LUZP2: variants seen among roughly 807,000 people sequenced by gnomAD.
LUZP2 encodes the protein leucine zipper protein 2.
LUZP2 carries 52 observed loss-of-function variants against 51.6 expected under a neutral mutation model. That is an observed-to-expected ratio of 1.01 (90% confidence interval 0.81 to 1.27). LUZP2 has a LOEUF of 1.27. Among genes scored for constraint, LUZP2 ranks in the 50% most tolerant of loss-of-function variants. The pLI is 0.00. For missense variants in LUZP2, 436 were observed against 395.4 expected (o/e 1.10, Z -0.87); for synonymous variants, 154 against 137.3 (o/e 1.12, Z -0.85).
At chr11:24,847,498 A>G (rs575558503) in intron 5 of LUZP2, among the ~76,000 whole-genome samples, 21 of 152,316 alleles carry the variant, frequency 1.4e-4, no homozygotes, top group African/African-American at 4.6e-4. Flanking sequence ...AGAAAAACAC[A>G]GAAATAATGC....
chr11:24,878,651 T>G (rs1324282026), intron 5 of LUZP2, among the ~76,000 whole-genome samples: 3 of 151,940 alleles, frequency 2.0e-5, no homozygotes, highest in Non-Finnish European at 4.4e-5. Context: ...TATTTTTAAT[T>G]TTTATTTTAG....
intron 1 of LUZP2, among the ~76,000 whole-genome samples, chr11:24,514,301 A>G (rs1850398403): frequency 6.6e-6 from 1 of 152,222 alleles, no homozygotes; most frequent in African/African-American, 2.4e-5. Context: ...GGTGATGATC[A>G]GTCTTTGGTT....
chr11:24,690,711 A>G (rs1049270164), intron 1 of LUZP2, among the ~76,000 whole-genome samples: 1 of 152,006 alleles, frequency 6.6e-6, no homozygotes, highest in Non-Finnish European at 1.5e-5. Context: ...GTTACTCTCT[A>G]CCAACTGTAG....
At chr11:24,605,896 A>G (rs1853900542) in intron 1 of LUZP2, among the ~76,000 whole-genome samples, 1 of 151,676 alleles carries the variant, frequency 6.6e-6, no homozygotes, top group African/African-American at 2.4e-5. Context: ...CCACCTTTCT[A>G]TTCTCTTTTT....
chr11:25,040,114 TAGA>T (rs1858000358), intron 9 of LUZP2, among the ~76,000 whole-genome samples: 1 of 152,092 alleles, frequency 6.6e-6, no homozygotes, highest in African/African-American at 2.4e-5. Context: ...TAGTAAATCA[TAGA>T]AGAATAAAAT....
intron 1 of LUZP2, among the ~76,000 whole-genome samples, chr11:24,682,984 C>T (rs1386933252): frequency 2.0e-5 from 3 of 151,840 alleles, no homozygotes; most frequent in Non-Finnish European, 4.4e-5. Flanking sequence ...GTGAGGCTGT[C>T]TCAAAGAAAA....
chr11:24,621,591 G>A (rs1183440385), intron 1 of LUZP2, among the ~76,000 whole-genome samples: 2 of 152,104 alleles, frequency 1.3e-5, no homozygotes, highest in Non-Finnish European at 2.9e-5. Flanking sequence ...TAATTGAAAA[G>A]CCTGAGATTC....
intron 4 of LUZP2, among the ~76,000 whole-genome samples, chr11:24,757,459 TC>T (rs1352557151): frequency 6.6e-6 from 1 of 152,036 alleles, no homozygotes; most frequent in Non-Finnish European, 1.5e-5. Context: ...ATAATGAAAA[TC>T]ATACATGTCA....
intron 5 of LUZP2, among the ~76,000 whole-genome samples, chr11:24,842,414 G>T (rs1283112124): frequency 6.6e-6 from 1 of 151,704 alleles, no homozygotes; most frequent in Non-Finnish European, 1.5e-5. Context: ...AGCTTGAAAG[G>T]CATTGCATGA....
intron 1 of LUZP2, among the ~76,000 whole-genome samples, chr11:24,525,891 G>A (rs1212011333): frequency 6.6e-6 from 1 of 151,320 alleles, no homozygotes; most frequent in Non-Finnish European, 1.5e-5. Flanking sequence ...ATACAAGCAT[G>A]TAAGGGAGGT....
At chr11:24,933,485 A>C (rs1014154647) in intron 7 of LUZP2, among the ~76,000 whole-genome samples, 7 of 152,172 alleles carry the variant, frequency 4.6e-5, no homozygotes, top group African/African-American at 1.2e-4. Flanking sequence ...TCATTTGTTC[A>C]AAAGTATTTA....
chr11:24,861,007 T>C (rs763713077), intron 5 of LUZP2, among the ~76,000 whole-genome samples: 6 of 152,110 alleles, frequency 3.9e-5, no homozygotes, highest in Non-Finnish European at 8.8e-5. Flanking sequence ...CAAAGAACTA[T>C]GCTGAGCTGA....
chr11:24,593,450 C>T (rs1396244737), intron 1 of LUZP2, among the ~76,000 whole-genome samples: 4 of 152,160 alleles, frequency 2.6e-5, no homozygotes, highest in Non-Finnish European at 1.5e-5. Context: ...CAAGAGAGCT[C>T]GAGCTTACTC....
intron 1 of LUZP2, among the ~76,000 whole-genome samples, chr11:24,633,832 C>A (rs1854975850): frequency 6.6e-6 from 1 of 151,832 alleles, no homozygotes; most frequent in Middle Eastern, 3.4e-3. Flanking sequence ...CATTAACTTT[C>A]TATAAAAGAT....
At chr11:24,913,949 G>A (rs1853715262) in intron 6 of LUZP2, among the ~76,000 whole-genome samples, 1 of 152,032 alleles carries the variant, frequency 6.6e-6, no homozygotes, top group Non-Finnish European at 1.5e-5. Flanking sequence ...TTTCCTATTA[G>A]TGATGGCCCT....
In LUZP2 at chr11:24,562,855, C is replaced by A. The variant is rs1330464444; in HGVS notation, c.62+65550C>A. 1.3e-4 allele frequency among the ~76,000 whole-genome samples: 15 copies of A among 112,090 alleles called. No homozygotes were observed. The Admixed American group carries it at 1.6e-3, about 12-fold the overall frequency. The allele number at this position is 112,090 out of a possible 152,430, so 73.5% of individuals were successfully genotyped here. On this transcript the variant is annotated intron_variant, in intron 1 of 11. Coordinates refer to ENST00000336930, the MANE Select transcript of LUZP2 (RefSeq NM_001009909.4). The stretch of plus-strand genomic sequence containing the variant: ...CCAGCCTGGGTGACAGAGTGAGACT[C>A]CATCTCTCAAAAAAAAAAAAAAAAG...
intron 1 of LUZP2, among the ~76,000 whole-genome samples, chr11:24,502,961 T>C (rs944012790): frequency 2.6e-5 from 4 of 152,330 alleles, no homozygotes; most frequent in Admixed American, 6.5e-5. Flanking sequence ...GATTTCATCA[T>C]TTACCAGCAA....
intron 10 of LUZP2, among the ~76,000 whole-genome samples, chr11:25,076,975 T>C (rs1859325566): frequency 6.6e-6 from 1 of 152,180 alleles, no homozygotes. Flanking sequence ...ACTCTGATAA[T>C]TGACATATAT....
intron 7 of LUZP2, among the ~76,000 whole-genome samples, chr11:24,967,573 A>G (rs1565171214): frequency 6.6e-6 from 1 of 151,336 alleles, no homozygotes; most frequent in Non-Finnish European, 1.5e-5. Flanking sequence ...GTTTCTTCAA[A>G]CTTTTTTTCT....
Sources: allele counts gnomAD v4.1 joint callset (sites outside exome capture counted in the v4.1 genomes callset), GRCh38; gene constraint gnomAD v4.1.1; transcripts MANE v1.5; gene names NCBI Gene and HGNC (gene_info 2026-07-23, HGNC 2026-07-21).